SLC25A28: variants seen among roughly 807,000 people sequenced by gnomAD.
SLC25A28 encodes mitoferrin-2.
SLC25A28 carries 10 observed loss-of-function variants against 31.9 expected under a neutral mutation model. The observed-to-expected ratio is 0.31, with a 90% CI of 0.19 to 0.53. SLC25A28 has a LOEUF of 0.53. SLC25A28 is among the 20% of genes least tolerant of loss of function. The probability of loss-of-function intolerance (pLI) is 0.95; values close to 1 mark genes in which losing one functional copy is unlikely to be tolerated. For synonymous variants in SLC25A28, 208 were observed against 203.6 expected (o/e 1.02, Z -0.19); for missense variants, 256 against 490.3 (o/e 0.52, Z 4.51).
At chr10:99,621,865 CCTTT>C (rs2034801985), upstream of SLC25A28, 1 of 152,180 alleles carries the variant, frequency 6.6e-6, no homozygotes, top group Admixed American at 6.5e-5. Flanking sequence ...TTGTTATTAA[CCTTT>C]AGGTCGCGAC....
chr10:99,643,959 A>G, the SLC25A28 span, among the ~76,000 whole-genome samples: 358 of 152,270 alleles, frequency 2.4e-3, 1 homozygote, highest in African/African-American at 8.4e-3. Flanking sequence ...GTTCTTTTAC[A>G]TTTGCCAAGG....
the SLC25A28 span, among the ~76,000 whole-genome samples, chr10:99,632,186 G>A: frequency 2.6e-5 from 4 of 151,932 alleles, no homozygotes; most frequent in African/African-American, 7.3e-5. Context: ...GTGAGCCACC[G>A]CGCCTGGCCC....
At chr10:99,618,166 C>T (rs907489075) in intron 1 of SLC25A28, 2 of 717,274 alleles carry the variant, frequency 2.8e-6, no homozygotes, top group South Asian at 6.3e-5. Context: ...AGGACATGCA[C>T]CCAAATATTC....
At chr10:99,621,811 C>T (rs1293594321), upstream of SLC25A28, 3 of 152,234 alleles carry the variant, frequency 2.0e-5, no homozygotes, top group African/African-American at 4.8e-5. Context: ...TTTAGCTCTT[C>T]TCTGGGCTTC....
chr10:99,653,548 A>G, the SLC25A28 span, among the ~76,000 whole-genome samples: 1 of 152,204 alleles, frequency 6.6e-6, no homozygotes, highest in Non-Finnish European at 1.5e-5. Context: ...TTAAGCTGCA[A>G]AGTTTTGGAG....
the SLC25A28 span, among the ~76,000 whole-genome samples, chr10:99,631,880 T>TA: frequency 1.1e-5 from 1 of 92,558 alleles, no homozygotes; most frequent in Non-Finnish European, 2.3e-5. Context: ...AGTATGTTAT[T>TA]TTTTTTTTTT....
chr10:99,640,534 G>A, the SLC25A28 span, among the ~76,000 whole-genome samples: 1 of 152,052 alleles, frequency 6.6e-6, no homozygotes, highest in Admixed American at 6.6e-5. Flanking sequence ...TTGTTTTAAT[G>A]TTTATATATT....
At chr10:99,618,533 T>C in intron 1 of SLC25A28, 1 of 985,404 alleles carries the variant, frequency 1.0e-6, no homozygotes. Context: ...AGTCTATACA[T>C]ATAATGTGTG....
At chr10:99,624,230 TTCTTTTTTC>T (rs1026932290), upstream of SLC25A28, among the ~76,000 whole-genome samples, 6 of 121,926 alleles carry the variant, frequency 4.9e-5, no homozygotes, top group African/African-American at 1.8e-4. Flanking sequence ...TCTTTCTTCT[TTCTTTTTTC>T]TCTCTTTCTT....
At chr10:99,625,444 C>T (rs917230158), upstream of SLC25A28, among the ~76,000 whole-genome samples, 25 of 152,144 alleles carry the variant, frequency 1.6e-4, no homozygotes, top group Admixed American at 4.6e-4. Flanking sequence ...TTACAATCCT[C>T]TAGCTAGACA....
chr10:99,612,661 C>A (rs1407729764), intron 2 of SLC25A28, 62 bp from the exon 3 acceptor site: 8 of 1,567,828 alleles, frequency 5.1e-6, no homozygotes, highest in Non-Finnish European at 6.1e-6. Context: ...TCATTGAGGT[C>A]CCCCAGTGAA....
the SLC25A28 span, among the ~76,000 whole-genome samples, chr10:99,631,665 C>CAGAA: frequency 6.6e-6 from 1 of 151,986 alleles, no homozygotes; most frequent in Non-Finnish European, 1.5e-5. Context: ...GACTCCTCAC[C>CAGAA]AGAAAATGAG....
upstream of SLC25A28, chr10:99,620,581 C>A: frequency 9.9e-7 from 1 of 1,012,874 alleles, no homozygotes; most frequent in Non-Finnish European, 1.2e-6. Flanking sequence ...TTCCTCCGCC[C>A]TGAGGCGTTG....
upstream of SLC25A28, among the ~76,000 whole-genome samples, chr10:99,624,255 TTCTCTCTC>T (rs71009767): frequency 6.7e-6 from 1 of 148,780 alleles, no homozygotes; most frequent in Non-Finnish European, 1.5e-5. Flanking sequence ...TTCTTTTTCT[TTCTCTCTC>T]TCTCTTTCTT....
upstream of SLC25A28, chr10:99,621,640 GTCT>G (rs1470752023): frequency 3.9e-5 from 6 of 152,460 alleles, no homozygotes; most frequent in Admixed American, 6.5e-5. Context: ...GAGCACGGGC[GTCT>G]TCTTCCATTT....
rs2034759742 is a variant in SLC25A28, at chr10:99,620,341, C to T, written c.-6G>A. ...CCCCGCCCCTCCAACTCCATCCACC[C>T]GGGCCAGCTGCGGCGCCCACCCCCG... is the stretch of plus-strand genomic sequence containing the variant. On this transcript the variant is annotated 5_prime_UTR_variant, in exon 1 of 4. Transcript: ENST00000370495. 3 of 1,139,894 alleles carry T rather than the reference C, an allele frequency of 2.6e-6. No individual in the cohort carries two copies. Among genetic ancestry groups the T allele is most frequent in the Admixed American group, 4.8e-5 (1 of 20,750 alleles). 70.6% of individuals were successfully genotyped at this position (1,139,894 alleles called of 1,614,324 possible).
the SLC25A28 span, among the ~76,000 whole-genome samples, chr10:99,659,102 GC>G: frequency 6.6e-6 from 1 of 152,222 alleles, no homozygotes; most frequent in Admixed American, 6.5e-5. This position sits in a 1 kb window ranked among gnomAD's most constrained non-coding sequence, Gnocchi z 4.1. Context: ...TAGGTTATGG[GC>G]AAGGGATGCG....
At chr10:99,641,394 C>T in the SLC25A28 span, among the ~76,000 whole-genome samples, 1 of 152,036 alleles carries the variant, frequency 6.6e-6, no homozygotes, top group Non-Finnish European at 1.5e-5. Context: ...ATATCCTTCG[C>T]CCACTTTTTG....
chr10:99,617,388 G>A, intron 1 of SLC25A28: 1 of 985,420 alleles, frequency 1.0e-6, no homozygotes, highest in Non-Finnish European at 1.2e-6. Context: ...GCTGAGGATG[G>A]ACAGGCCTGC....
Sources: gnomAD v4.1 joint callset for allele counts (sites outside exome capture counted in the v4.1 genomes callset) on GRCh38, gnomAD v4.1.1 for gene constraint, Gnocchi (gnomAD v3.1) non-coding constraint, MANE v1.5 for transcripts, NCBI Gene and HGNC (gene_info 2026-07-23, HGNC 2026-07-21) for gene names.